The following CTNNBL1 variants were observed in gnomAD, a reference collection of about 807,000 sequenced individuals.
CTNNBL1 encodes catenin beta like 1, also known as beta-catenin-like protein 1.
CTNNBL1 carries 31 observed loss-of-function variants against 72.7 expected under a neutral mutation model. The ratio of observed to expected loss-of-function variants is 0.43; its 90% CI spans 0.32 to 0.58. The LOEUF (loss-of-function observed/expected upper bound fraction) is 0.58, where lower values mean the gene tolerates loss of function less well. CTNNBL1 is among the 20% of genes least tolerant of loss of function. The pLI is 0.08. For synonymous variants in CTNNBL1, 240 were observed against 267.3 expected, an observed-to-expected ratio of 0.90 and a Z score of 1.00; for missense variants, 534 against 725.1, an observed-to-expected ratio of 0.74 and a Z score of 3.03.
At chr20:37,832,948 A>ACT in intron 11 of CTNNBL1, among the ~76,000 whole-genome samples, 1 of 152,316 alleles carries the variant, frequency 6.6e-6, no homozygotes, top group South Asian at 2.1e-4. Context: ...AGCGTTCTTA[A>ACT]CTAAAGAGCC....
intron 5 of CTNNBL1, among the ~76,000 whole-genome samples, chr20:37,758,266 AGAC>A (rs764583025): frequency 2.8e-4 from 43 of 152,364 alleles, no homozygotes; most frequent in Middle Eastern, 6.8e-3. Context: ...CCCTGCCTGT[AGAC>A]GACAAGGCAG....
At chr20:37,765,343 ACT>A (rs1454051250) in intron 6 of CTNNBL1, 53 bp downstream of exon 6, 18 of 1,176,716 alleles carry the variant, frequency 1.5e-5, no homozygotes, top group South Asian at 5.2e-5. Flanking sequence ...TTGTTTTGGG[ACT>A]CTGTGCTCAT....
chr20:37,833,924 A>T (rs2072233209), intron 11 of CTNNBL1, among the ~76,000 whole-genome samples: 1 of 152,132 alleles, frequency 6.6e-6, no homozygotes, highest in South Asian at 2.1e-4. Context: ...GGATGGCTGA[A>T]GTGTTTCCCT....
chr20:37,725,082 T>A (rs2073072242), intron 1 of CTNNBL1, among the ~76,000 whole-genome samples: 1 of 151,812 alleles, frequency 6.6e-6, no homozygotes, highest in Admixed American at 6.6e-5. Context: ...ATTTTTTAAA[T>A]TTTTTATAGA....
In CTNNBL1 at chr20:37,694,163, C is replaced by CA; in HGVS notation, c.30+12dup. On this transcript the variant is annotated intron_variant, in intron 1 of 15. Coordinates refer to ENST00000361383, the MANE Select transcript of CTNNBL1 (RefSeq NM_030877.5). Reference sequence around the variant, plus strand: ...CTTCTGAGCTACCAGGTATGAGGGGCAGGGAGGGCCGAGCGACCGCGTTCT... The same window carrying CA: ...CTTCTGAGCTACCAGGTATGAGGGGCAAGGGAGGGCCGAGCGACCGCGTTCT... 1 of 1,586,776 alleles carries CA rather than the reference C, an allele frequency of 6.3e-7. No individual in the cohort carries two copies. Among genetic ancestry groups the CA allele is most frequent in the Non-Finnish European group, 8.6e-7 (1 of 1,169,522 alleles).
chr20:37,854,207 A>G (rs1356369824), intron 13 of CTNNBL1, among the ~76,000 whole-genome samples: 1 of 152,226 alleles, frequency 6.6e-6, no homozygotes, highest in African/African-American at 2.4e-5. Flanking sequence ...AAATGACAAT[A>G]TAGAGAAACT....
chr20:37,853,451 A>T (rs1200620619), intron 13 of CTNNBL1, among the ~76,000 whole-genome samples: 1 of 152,184 alleles, frequency 6.6e-6, no homozygotes, highest in Non-Finnish European at 1.5e-5. Flanking sequence ...CCATCCGATC[A>T]TGAGTGGAGT....
intron 2 of CTNNBL1, among the ~76,000 whole-genome samples, chr20:37,736,366 C>G (rs749885456): frequency 6.6e-6 from 1 of 152,198 alleles, no homozygotes; most frequent in Non-Finnish European, 1.5e-5. Context: ...TTAAGGGTCA[C>G]TGTCACTGAC....
intron 10 of CTNNBL1, among the ~76,000 whole-genome samples, chr20:37,789,358 G>A (rs887796469): frequency 6.6e-6 from 1 of 152,236 alleles, no homozygotes; most frequent in Non-Finnish European, 1.5e-5. Context: ...TCTTTGGTGA[G>A]CAGCAGAAGA....
intron 2 of CTNNBL1, 120 bp downstream of exon 2, chr20:37,733,187 A>G (rs1194004288): frequency 2.4e-6 from 2 of 840,330 alleles, no homozygotes; most frequent in Admixed American, 2.6e-5. Flanking sequence ...TTAAGAATTC[A>G]TATTTCATCG....
At chr20:37,697,738 A>T (rs2072806372) in intron 1 of CTNNBL1, among the ~76,000 whole-genome samples, 1 of 152,162 alleles carries the variant, frequency 6.6e-6, no homozygotes, top group South Asian at 2.1e-4. Context: ...CCTTATTATT[A>T]TTTTTTAATG....
intron 7 of CTNNBL1, among the ~76,000 whole-genome samples, chr20:37,768,499 C>T (rs1211953541): frequency 6.6e-6 from 1 of 152,162 alleles, no homozygotes; most frequent in African/African-American, 2.4e-5. Context: ...TGCTGATGTA[C>T]CAAAATTAAT....
At chr20:37,749,962 A>C (rs1319389717) in intron 4 of CTNNBL1, 1 of 152,198 alleles carries the variant, frequency 6.6e-6, no homozygotes, top group African/African-American at 2.4e-5. Context: ...TTAAATTTTT[A>C]ATCTTTTTTA....
intron 10 of CTNNBL1, among the ~76,000 whole-genome samples, chr20:37,780,915 C>T (rs956424627): frequency 1.3e-5 from 2 of 152,090 alleles, no homozygotes; most frequent in Non-Finnish European, 2.9e-5. Context: ...TAAGTGATGA[C>T]TTACTGTGTA....
intron 7 of CTNNBL1, among the ~76,000 whole-genome samples, chr20:37,773,909 CTT>C (rs1176688817): frequency 4.8e-5 from 5 of 104,644 alleles, no homozygotes; most frequent in Admixed American, 9.6e-5. Flanking sequence ...TTCTTTCTCT[CTT>C]TTTTTTTTTT....
At chr20:37,856,524 A>G (rs1371434589) in intron 13 of CTNNBL1, among the ~76,000 whole-genome samples, 1 of 151,974 alleles carries the variant, frequency 6.6e-6, no homozygotes, top group Non-Finnish European at 1.5e-5. Context: ...AGGCGAGGAG[A>G]CCAGGAAGGG....
In CTNNBL1 at chr20:37,802,957, T is replaced by C; in HGVS notation, c.1122T>C (p.Val374=). 1 of 1,614,112 alleles carries C rather than the reference T, an allele frequency of 6.2e-7. No individual in the cohort carries two copies. The highest frequency in any genetic ancestry group is 1.1e-5 in the South Asian group (1 of 91,076). ...GCACAGACAACTGCCATAAGTTTGT[T>C]GACATTCTTGGCTTACGAACCATCT... ...PEGTDNCHKF[V]DILGLRTIFP... The change falls in exon 11 of 16, where the codon GTT becomes GTC. Residue 374 remains valine, a synonymous_variant. Coordinates refer to ENST00000361383, the MANE Select transcript of CTNNBL1 (RefSeq NM_030877.5).
At chr20:37,720,952 A>G (rs184022812) in intron 1 of CTNNBL1, among the ~76,000 whole-genome samples, 21 of 152,276 alleles carry the variant, frequency 1.4e-4, no homozygotes, top group Admixed American at 7.2e-4. Context: ...GAAGCTCACA[A>G]GTTTTACTGG....
chr20:37,702,670 T>G (rs1268746441), intron 1 of CTNNBL1, among the ~76,000 whole-genome samples: 2 of 152,200 alleles, frequency 1.3e-5, no homozygotes, highest in South Asian at 2.1e-4. Flanking sequence ...GTGATTTTTT[T>G]CCTTAAGTTC....
Sources: gnomAD v4.1 joint callset for allele counts (sites outside exome capture counted in the v4.1 genomes callset) on GRCh38, gnomAD v4.1.1 for gene constraint, MANE v1.5 for transcripts, NCBI Gene and HGNC (gene_info 2026-07-23, HGNC 2026-07-21) for gene names.